IQANK1: variants seen among roughly 807,000 people sequenced by gnomAD.
The protein encoded by IQANK1 is IQ motif and ankyrin repeat containing 1, also known as IQ motif and ankyrin repeat domain-containing protein 1.
Under a neutral mutation model 22.6 loss-of-function variants are expected in IQANK1, and 30 were observed. That is an observed-to-expected ratio of 1.33 (90% CI 0.99 to 1.80). The LOEUF (loss-of-function observed/expected upper bound fraction) is 1.80. Among genes scored for constraint, IQANK1 ranks in the 40% most tolerant of loss-of-function variants. IQANK1 has a pLI of 0.00. For synonymous variants in IQANK1, 122 were observed against 99.6 expected (o/e 1.23, Z -1.34); for missense variants, 275 against 235.2 (o/e 1.17, Z -1.11).
At chr8:143,760,201 C>A (rs905598975) in intron 3 of IQANK1, among the ~76,000 whole-genome samples, 3 of 152,124 alleles carry the variant, frequency 2.0e-5, no homozygotes, top group African/African-American at 7.2e-5. Flanking sequence ...AAGTCCTGCA[C>A]ACCTGAGAGC....
At chr8:143,767,810 G>A (rs932980483) in intron 3 of IQANK1, among the ~76,000 whole-genome samples, 36 of 150,042 alleles carry the variant, frequency 2.4e-4, no homozygotes, top group African/African-American at 7.1e-4. Context: ...GCGTGAACCC[G>A]GGAGGCGGAG....
chr8:143,737,168 G>A (rs1364903100), intron 2 of IQANK1, among the ~76,000 whole-genome samples: 6 of 152,218 alleles, frequency 3.9e-5, no homozygotes, highest in Non-Finnish European at 8.8e-5. Context: ...TGCTGCTTCC[G>A]CAATCTCTAG....
At chr8:143,777,324 T>C (rs556487519) in intron 7 of IQANK1, among the ~76,000 whole-genome samples, 6 of 151,982 alleles carry the variant, frequency 3.9e-5, no homozygotes, top group South Asian at 4.2e-4. Flanking sequence ...GAGACCAGGC[T>C]GGCTAACATG....
At chr8:143,786,571 T>C (rs1181872045) in intron 7 of IQANK1, among the ~76,000 whole-genome samples, 1 of 152,206 alleles carries the variant, frequency 6.6e-6, no homozygotes, top group Non-Finnish European at 1.5e-5. Context: ...ACGAATTAGC[T>C]CATCCGTTCA....
chr8:143,773,407 T>G (rs1587488450), intron 7 of IQANK1, among the ~76,000 whole-genome samples: 1 of 148,770 alleles, frequency 6.7e-6, no homozygotes, highest in African/African-American at 2.5e-5. Context: ...TGGGGTGGGG[T>G]GAGGCTGACT....
chr8:143,741,462 A>T (rs1818912000), intron 3 of IQANK1, among the ~76,000 whole-genome samples: 1 of 152,048 alleles, frequency 6.6e-6, no homozygotes, highest in African/African-American at 2.4e-5. Context: ...TTTTGCTACA[A>T]AGTGGGTTTC....
At chr8:143,742,392 C>A (rs781851053) in intron 3 of IQANK1, 11 of 455,900 alleles carry the variant, frequency 2.4e-5, no homozygotes, top group Non-Finnish European at 4.9e-5. Flanking sequence ...GGTGTGGGAG[C>A]CTTTCCCAGC....
chr8:143,757,446 T>C (rs1481324526), intron 3 of IQANK1, among the ~76,000 whole-genome samples: 1 of 151,938 alleles, frequency 6.6e-6, no homozygotes, highest in African/African-American at 2.4e-5. Flanking sequence ...ATGCCATTCT[T>C]CTGCCTCAGC....
At position 143,773,275 on chromosome 8, in the gene IQANK1, C is replaced by G. The variant is rs185607524; in HGVS notation, c.789+793C>G. On this transcript the variant is annotated intron_variant, in intron 7 of 13. Transcript: ENST00000527139. ...CGAGCCAAGATGGCGCCACTGCACT[C>G]CAGCCTGGGCAACAGAGTGAGACTC... 2.0e-4 allele frequency among the ~76,000 whole-genome samples: 30 copies of G among 150,604 alleles called. No individual in the cohort carries two copies. In the East Asian group the frequency reaches 5.9e-3, roughly 29 times the overall value.
chr8:143,755,515 C>A (rs1300647608), intron 3 of IQANK1, among the ~76,000 whole-genome samples: 2 of 152,096 alleles, frequency 1.3e-5, no homozygotes, highest in African/African-American at 4.8e-5. Flanking sequence ...AGGCGCCTGC[C>A]ACCATGCCAG....
At chr8:143,736,439 C>T (rs997438429) in intron 2 of IQANK1, among the ~76,000 whole-genome samples, 6 of 152,120 alleles carry the variant, frequency 3.9e-5, no homozygotes, top group East Asian at 1.9e-4. Flanking sequence ...GCCACATGCC[C>T]GGCCAAGCCT....
At chr8:143,789,943 T>C in intron 11 of IQANK1, 28 bp from the exon 12 acceptor site, 1 of 1,231,982 alleles carries the variant, frequency 8.1e-7, no homozygotes, top group Admixed American at 4.2e-5. Flanking sequence ...CGGGCTTGCC[T>C]GTCAGCTGCA....
At chr8:143,787,437 C>T (rs1430420363) in intron 7 of IQANK1, among the ~76,000 whole-genome samples, 4 of 152,084 alleles carry the variant, frequency 2.6e-5, no homozygotes, top group African/African-American at 7.2e-5. Flanking sequence ...CTTTCCATCT[C>T]TGCCCCCTGC....
At chr8:143,754,782 C>A (rs567503679) in intron 3 of IQANK1, among the ~76,000 whole-genome samples, 1 of 152,064 alleles carries the variant, frequency 6.6e-6, no homozygotes, top group Non-Finnish European at 1.5e-5. Context: ...CCAACCACCA[C>A]GCCCGGCTAA....
At chr8:143,765,122 A>G (rs1284607758) in intron 3 of IQANK1, among the ~76,000 whole-genome samples, 1 of 152,090 alleles carries the variant, frequency 6.6e-6, no homozygotes, top group African/African-American at 2.4e-5. Context: ...TTGGGAGGCC[A>G]AGGCGGGCAG....
At chr8:143,766,144 T>A (rs538959835) in intron 3 of IQANK1, among the ~76,000 whole-genome samples, 60 of 152,294 alleles carry the variant, frequency 3.9e-4, no homozygotes, top group Non-Finnish European at 6.9e-4. Context: ...ATTTCCCTGG[T>A]GACTAATGAG....
Position 143,790,498 on chromosome 8 carries a change from C to T in IQANK1, c.1573C>T (p.Arg525Trp), listed in dbSNP as rs868992715. 1.7e-5 allele frequency: 7 copies of T among 408,528 alleles called. No homozygotes were observed. The highest frequency in any genetic ancestry group is 4.4e-5 in the Admixed American group (1 of 22,732). 25.3% of individuals were successfully genotyped at this position (408,528 alleles called of 1,614,324 possible). The part of the protein sequence containing the change: ...EYSPTQFQEQ[R>W]LEHFRLFFVT... Reference sequence around the variant, plus strand: ...TAGCCCCACGCAGTTCCAGGAGCAGCGGCTGGAGCACTTCCGCCTCTTTTT... The same window carrying T: ...TAGCCCCACGCAGTTCCAGGAGCAGTGGCTGGAGCACTTCCGCCTCTTTTT... The change falls in exon 14 of 14, where the codon CGG becomes TGG. Residue 525 changes from arginine (R) to tryptophan (W), a missense_variant. Coordinates refer to ENST00000527139, the MANE Select transcript of IQANK1 (RefSeq NM_001381874.1).
chr8:143,766,811 G>T (rs1819489770), intron 3 of IQANK1, among the ~76,000 whole-genome samples: 1 of 152,210 alleles, frequency 6.6e-6, no homozygotes, highest in African/African-American at 2.4e-5. Flanking sequence ...CGAGCTTTAT[G>T]GTTTTGCCTT....
chr8:143,779,494 G>GTATCAGTTCATCATTT lies in IQANK1; in HGVS notation c.789+7013_789+7028dup, dbSNP rs1819755288. On this transcript the variant is annotated intron_variant, in intron 7 of 13. Coordinates refer to ENST00000527139, the MANE Select transcript of IQANK1 (RefSeq NM_001381874.1). ...ACTCATTCATCTATTAATTTTTCAT[G>GTATCAGTTCATCATTT]TATCAGTTCATCATTTAATCAGTTC... 7.9e-5 allele frequency among the ~76,000 whole-genome samples: 12 copies of GTATCAGTTCATCATTT among 152,268 alleles called. No homozygotes were observed. In the South Asian group the frequency reaches 2.5e-3, roughly 32 times the overall value.
Sources: allele counts gnomAD v4.1 joint callset (sites outside exome capture counted in the v4.1 genomes callset), GRCh38; gene constraint gnomAD v4.1.1; transcripts MANE v1.5; gene names NCBI Gene and HGNC (gene_info 2026-07-23, HGNC 2026-07-21).